The following TBC1D19 variants were observed in gnomAD, a reference collection of about 807,000 sequenced individuals.
The protein encoded by TBC1D19 is TBC1 domain family, member 19.
TBC1D19 carries 60 observed loss-of-function variants against 89.0 expected under a neutral mutation model. The observed-to-expected ratio is 0.67, with a 90% CI of 0.55 to 0.84. The LOEUF is 0.84. Ranked by LOEUF, TBC1D19 falls within the 40% of genes least tolerant of loss-of-function variation. The pLI, the probability that TBC1D19 is intolerant of heterozygous loss-of-function variation, is 0.00. For synonymous variants in TBC1D19, 189 were observed against 199.7 expected (o/e 0.95, Z 0.45); for missense variants, 500 against 610.8 (o/e 0.82, Z 1.91).
At chr4:26,711,720 G>A (rs1716203601) in intron 13 of TBC1D19, among the ~76,000 whole-genome samples, 1 of 151,888 alleles carries the variant, frequency 6.6e-6, no homozygotes, top group African/African-American at 2.4e-5. Flanking sequence ...AATTAATCCA[G>A]GTTAGATTTT....
At chr4:26,608,535 A>G (rs1309273453) in intron 1 of TBC1D19, among the ~76,000 whole-genome samples, 2 of 152,166 alleles carry the variant, frequency 1.3e-5, no homozygotes, top group African/African-American at 2.4e-5. Context: ...CAAAAACTTG[A>G]AGATTTTTAT....
chr4:26,786,417 G>C, the TBC1D19 span, among the ~76,000 whole-genome samples: 1,433 of 152,210 alleles, frequency 9.4e-3, 28 homozygotes, highest in African/African-American at 0.031. Context: ...GGTGGATCAC[G>C]AGGTCAGGAG....
At chr4:26,698,524 T>C (rs1715015821) in intron 13 of TBC1D19, among the ~76,000 whole-genome samples, 1 of 152,132 alleles carries the variant, frequency 6.6e-6, no homozygotes, top group East Asian at 1.9e-4. Flanking sequence ...TTAAAGTTCA[T>C]ATGGAACCAA....
At chr4:26,826,618 C>T in the TBC1D19 span, among the ~76,000 whole-genome samples, 2 of 152,062 alleles carry the variant, frequency 1.3e-5, no homozygotes, top group Non-Finnish European at 2.9e-5. Context: ...AGATGATGTC[C>T]GCGTGTATTT....
At chr4:26,815,655 A>G in the TBC1D19 span, among the ~76,000 whole-genome samples, 1 of 152,252 alleles carries the variant, frequency 6.6e-6, no homozygotes, top group South Asian at 2.1e-4. Context: ...AATATGTACT[A>G]GAAAAAAAGA....
the TBC1D19 span, among the ~76,000 whole-genome samples, chr4:26,805,574 G>C: frequency 6.6e-6 from 1 of 152,152 alleles, no homozygotes; most frequent in South Asian, 2.1e-4. Flanking sequence ...GTGCTTTCTC[G>C]TTCCCTTTCA....
the TBC1D19 span, among the ~76,000 whole-genome samples, chr4:26,779,670 C>A: frequency 1.3e-5 from 2 of 152,122 alleles, no homozygotes; most frequent in Non-Finnish European, 2.9e-5. Flanking sequence ...CTTAAGCCAG[C>A]AGAATAAGAA....
chr4:26,822,768 A>T, the TBC1D19 span, among the ~76,000 whole-genome samples: 1 of 152,262 alleles, frequency 6.6e-6, no homozygotes, highest in Non-Finnish European at 1.5e-5. Flanking sequence ...AGCCACAAAC[A>T]GGAAATAGTT....
chr4:26,735,298 T>C (rs1251589884), intron 15 of TBC1D19, among the ~76,000 whole-genome samples, 157 bp from the exon 16 acceptor site: 1 of 152,002 alleles, frequency 6.6e-6, no homozygotes, highest in Non-Finnish European at 1.5e-5. Context: ...TAAAAATATC[T>C]CTTTATTGTT....
chr4:26,662,402 G>A (rs965381705), intron 8 of TBC1D19, among the ~76,000 whole-genome samples: 1 of 151,994 alleles, frequency 6.6e-6, no homozygotes, highest in Non-Finnish European at 1.5e-5. Flanking sequence ...ATCAGAAGAT[G>A]AAGCAAAAAG....
At chr4:26,789,837 C>T in the TBC1D19 span, among the ~76,000 whole-genome samples, 1 of 152,080 alleles carries the variant, frequency 6.6e-6, no homozygotes, top group Non-Finnish European at 1.5e-5. Flanking sequence ...GTATACATAC[C>T]ATGGAATACT....
At chr4:26,845,419 T>C in the TBC1D19 span, among the ~76,000 whole-genome samples, 3 of 152,178 alleles carry the variant, frequency 2.0e-5, no homozygotes, top group East Asian at 5.8e-4. Flanking sequence ...TATTTTTAAG[T>C]GTACAATTTA....
the TBC1D19 span, among the ~76,000 whole-genome samples, chr4:26,856,933 C>A: frequency 6.6e-6 from 1 of 152,196 alleles, no homozygotes; most frequent in African/African-American, 2.4e-5. Context: ...TTTTAAAAAA[C>A]TATGTTAGTT....
At chr4:26,638,747 C>T (rs772251849) in intron 5 of TBC1D19, 24 bp from the exon 6 acceptor site, 3 of 1,578,786 alleles carry the variant, frequency 1.9e-6, no homozygotes, top group Non-Finnish European at 2.6e-6. Context: ...GAAATGAAAC[C>T]AGTTTCAAAA....
chr4:26,620,714 A>AT (rs753067625), intron 4 of TBC1D19, 26 bp downstream of exon 4: 4 of 1,603,440 alleles, frequency 2.5e-6, no homozygotes, highest in East Asian at 2.2e-5. Flanking sequence ...ATTTCATTTT[A>AT]TTTTTTCATG....
chr4:26,844,087 T>C, the TBC1D19 span, among the ~76,000 whole-genome samples: 5 of 152,282 alleles, frequency 3.3e-5, no homozygotes, highest in South Asian at 1.0e-3. Context: ...TATATAACCT[T>C]AAAATAAAGC....
chr4:26,649,940 C>T (rs558472901), intron 7 of TBC1D19, among the ~76,000 whole-genome samples: 1 of 140,488 alleles, frequency 7.1e-6, no homozygotes, highest in Non-Finnish European at 1.6e-5. Context: ...TCAATTCCCA[C>T]CTATGAGTGA....
the TBC1D19 span, among the ~76,000 whole-genome samples, chr4:26,800,744 C>A: frequency 6.6e-6 from 1 of 152,194 alleles, no homozygotes; most frequent in Non-Finnish European, 1.5e-5. Context: ...ATTTGCATTT[C>A]TCTGTTTGCC....
intron 11 of TBC1D19, 53 bp from the exon 12 acceptor site, chr4:26,683,622 G>A: frequency 1.4e-6 from 2 of 1,443,660 alleles, no homozygotes; most frequent in Non-Finnish European, 1.9e-6. Flanking sequence ...GTTTAAGGCT[G>A]ACTTTATAAA....
Sources: allele counts gnomAD v4.1 joint callset (sites outside exome capture counted in the v4.1 genomes callset), GRCh38; gene constraint gnomAD v4.1.1; transcripts MANE v1.5; gene names NCBI Gene and HGNC (gene_info 2026-07-23, HGNC 2026-07-21).